PTPRK: variants seen among roughly 807,000 people sequenced by gnomAD.
PTPRK encodes the protein protein tyrosine phosphatase receptor type K.
PTPRK carries 75 observed loss-of-function variants against 178.0 expected under a neutral mutation model. The ratio of observed to expected loss-of-function variants is 0.42; its 90% confidence interval spans 0.35 to 0.51. The LOEUF is 0.51. Among genes scored for constraint, PTPRK ranks in the 20% least tolerant of loss-of-function variants. The pLI is 0.02. For synonymous variants in PTPRK, 637 were observed against 620.6 expected, an observed-to-expected ratio of 1.03 and a Z score of -0.39; for missense variants, 1,441 against 1,797.8, an observed-to-expected ratio of 0.80 and a Z score of 3.59.
At chr6:128,014,549 A>G (rs1175795688) in intron 13 of PTPRK, among the ~76,000 whole-genome samples, 3 of 151,706 alleles carry the variant, frequency 2.0e-5, no homozygotes, top group African/African-American at 4.8e-5. Context: ...AACACATGGG[A>G]TAGTAGAAAT....
At chr6:128,056,429 CT>C (rs1000039582) in intron 13 of PTPRK, among the ~76,000 whole-genome samples, 265 of 143,542 alleles carry the variant, frequency 1.8e-3, no homozygotes, top group African/African-American at 1.8e-3. Flanking sequence ...ATATGCTTTT[CT>C]TTTTTTTTTT....
At chr6:128,462,444 C>G (rs142086222) in intron 1 of PTPRK, among the ~76,000 whole-genome samples, 3 of 151,776 alleles carry the variant, frequency 2.0e-5, no homozygotes, top group African/African-American at 7.3e-5. Flanking sequence ...TTATCATACC[C>G]GTGATGTAAC....
chr6:128,255,158 T>C (rs1817075889), intron 3 of PTPRK, among the ~76,000 whole-genome samples: 1 of 151,948 alleles, frequency 6.6e-6, no homozygotes. Flanking sequence ...GCCCAGCCAA[T>C]TTTTGTATTT....
intron 7 of PTPRK, among the ~76,000 whole-genome samples, chr6:128,150,097 G>T (rs989795018): frequency 1.3e-5 from 2 of 152,092 alleles, no homozygotes; most frequent in African/African-American, 4.8e-5. Flanking sequence ...TATCAATTTG[G>T]GTTAAAAGGA....
intron 1 of PTPRK, among the ~76,000 whole-genome samples, chr6:128,416,960 T>TA (rs1195364528): frequency 6.7e-6 from 1 of 148,328 alleles, no homozygotes; most frequent in African/African-American, 2.4e-5. Context: ...TTATATATAA[T>TA]AAAATTATAT....
intron 2 of PTPRK, among the ~76,000 whole-genome samples, chr6:128,322,685 T>TATATATATATATATATAC (rs1397530546): frequency 6.6e-6 from 1 of 151,302 alleles, no homozygotes; most frequent in Admixed American, 6.6e-5. Context: ...TATATATGTA[T>TATATATATATATATATAC]ACACACATAC....
intron 3 of PTPRK, among the ~76,000 whole-genome samples, chr6:128,301,715 A>G (rs1034333949): frequency 1.3e-5 from 2 of 152,178 alleles, no homozygotes; most frequent in Admixed American, 1.3e-4. Context: ...CTAAATGAAT[A>G]TATGGTTTTA....
intron 1 of PTPRK, among the ~76,000 whole-genome samples, chr6:128,496,230 T>C: frequency 6.6e-6 from 1 of 152,172 alleles, no homozygotes; most frequent in East Asian, 1.9e-4. Context: ...GCAAACTTGA[T>C]GAGGAAGCCC....
intron 13 of PTPRK, among the ~76,000 whole-genome samples, chr6:128,042,237 A>T (rs374889764): frequency 2.0e-5 from 3 of 152,170 alleles, no homozygotes; most frequent in African/African-American, 7.2e-5. Flanking sequence ...TATCAATTAC[A>T]GTAAGACCAC....
intron 2 of PTPRK, among the ~76,000 whole-genome samples, chr6:128,344,578 C>G (rs1465749610): frequency 6.6e-6 from 1 of 151,930 alleles, no homozygotes; most frequent in African/African-American, 2.4e-5. Flanking sequence ...CAGATCATGG[C>G]GATCATGGCT....
At chr6:128,312,329 A>G (rs1349927070) in intron 3 of PTPRK, among the ~76,000 whole-genome samples, 1 of 152,200 alleles carries the variant, frequency 6.6e-6, no homozygotes, top group African/African-American at 2.4e-5. Flanking sequence ...GAAGAAAAAG[A>G]GAGGTTCTGG....
intron 1 of PTPRK, chr6:128,491,682 A>G: frequency 2.2e-6 from 1 of 460,154 alleles, no homozygotes; most frequent in South Asian, 1.5e-5. Context: ...ATCTGCCACT[A>G]AAACAAACAT....
At chr6:128,143,467 TAA>T (rs1796066243) in intron 7 of PTPRK, among the ~76,000 whole-genome samples, 1 of 152,196 alleles carries the variant, frequency 6.6e-6, no homozygotes, top group Non-Finnish European at 1.5e-5. Flanking sequence ...TGACCTGCAT[TAA>T]GTCTGAAAAT....
chr6:128,192,871 G>A (rs1229564600), intron 6 of PTPRK, among the ~76,000 whole-genome samples: 1 of 146,756 alleles, frequency 6.8e-6, no homozygotes, highest in Non-Finnish European at 1.5e-5. Context: ...GAGGAAGCGG[G>A]GAGGGGAGGA....
At chr6:128,236,538 A>G (rs1813312069) in intron 5 of PTPRK, among the ~76,000 whole-genome samples, 11 of 151,912 alleles carry the variant, frequency 7.2e-5, no homozygotes, top group Admixed American at 6.6e-4. Flanking sequence ...TAGTAGAGAC[A>G]GGGTTTCACT....
At chr6:128,060,654 G>C (rs1562511275) in intron 13 of PTPRK, among the ~76,000 whole-genome samples, 3 of 152,108 alleles carry the variant, frequency 2.0e-5, no homozygotes, top group Non-Finnish European at 4.4e-5. Flanking sequence ...TCCTATCACA[G>C]AATTCAGCTG....
chr6:128,138,740 T>C (rs995116220), intron 7 of PTPRK, among the ~76,000 whole-genome samples: 1 of 152,112 alleles, frequency 6.6e-6, no homozygotes, highest in Admixed American at 6.6e-5. Flanking sequence ...AGGTGTCCTG[T>C]CTTTACAGCA....
In PTPRK at chr6:128,066,700, CAATAAATAAATA is replaced by C. The variant is rs138949244; in HGVS notation, c.2157+807_2157+818del. ...TTGTCTTCCCTCTATCTCTGTCTGC[CAATAAATAAATA>C]AATAAATAAATAAATAAATAAATAA... On this transcript the variant is annotated intron_variant, in intron 12 of 29. Coordinates refer to ENST00000368226, the MANE Select transcript of PTPRK (RefSeq NM_002844.4). Among the ~76,000 whole-genome samples, 158 of 149,514 alleles carry C rather than the reference CAATAAATAAATA, an allele frequency of 1.1e-3. 1 individual carries two copies. Among genetic ancestry groups the C allele is most frequent in the East Asian group, 9.6e-3 (49 of 5,126 alleles).
chr6:128,451,702 G>A (rs976241909), intron 1 of PTPRK, among the ~76,000 whole-genome samples: 1 of 151,770 alleles, frequency 6.6e-6, no homozygotes, highest in African/African-American at 2.4e-5. Context: ...ACATGTAATG[G>A]GTTTTTAATT....
Sources: gnomAD v4.1 joint callset for allele counts (sites outside exome capture counted in the v4.1 genomes callset) on GRCh38, gnomAD v4.1.1 for gene constraint, MANE v1.5 for transcripts, NCBI Gene and HGNC (gene_info 2026-07-23, HGNC 2026-07-21) for gene names.